Variants in CSF2RA observed in about 807,000 individuals in gnomAD.
The protein encoded by CSF2RA is granulocyte-macrophage colony-stimulating factor receptor subunit alpha.
A neutral mutation model predicts 51.6 loss-of-function variants in CSF2RA; 42 were observed. The ratio of observed to expected loss-of-function variants is 0.81; its 90% CI spans 0.64 to 1.05. The LOEUF (loss-of-function observed/expected upper bound fraction) is 1.05. Among genes scored for constraint, CSF2RA ranks in the 50% least tolerant of loss-of-function variants. The probability of loss-of-function intolerance (pLI) is 0.00; values close to 1 mark genes in which losing one functional copy is unlikely to be tolerated. For missense variants in CSF2RA, 530 were observed against 501.1 expected (o/e 1.06, Z -0.55); for synonymous variants, 222 against 193.0 (o/e 1.15, Z -1.24).
chrX:1,301,477 C>G (rs1378696489), intron 10 of CSF2RA, among the ~76,000 whole-genome samples: 2 of 151,834 alleles, frequency 1.3e-5, no homozygotes, highest in African/African-American at 4.8e-5. Context: ...CCACTGATAG[C>G]CCTCCTAAAG....
chrX:1,296,296 T>C (rs374046198), intron 9 of CSF2RA, among the ~76,000 whole-genome samples: 2,677 of 59,844 alleles, frequency 0.045, 2 homozygotes, highest in Middle Eastern at 0.095. Flanking sequence ...CTGGCGGAAC[T>C]GTACAGTCCC....
chrX:1,293,155 A>G (rs1426886403), intron 7 of CSF2RA, among the ~76,000 whole-genome samples: 5 of 152,164 alleles, frequency 3.3e-5, no homozygotes, highest in African/African-American at 1.2e-4. Context: ...ACAGATCACA[A>G]TGGAGTTTCT....
intron 12 of CSF2RA, chrX:1,305,758 C>T: frequency 1.9e-6 from 3 of 1,551,580 alleles, no homozygotes; most frequent in Non-Finnish European, 2.6e-6. Context: ...GAAACTGAGG[C>T]AGGGTGGTGG....
At position 1,280,467 on chromosome X, in the gene CSF2RA, G is replaced by A. The variant is rs181924666; in HGVS notation, c.-26-2211G>A. Among the ~76,000 whole-genome samples the A allele has an allele frequency of 5.0e-3, 574 of 114,208 alleles. 4 individuals carry two copies. The highest frequency in any genetic ancestry group is 0.015 in the African/African-American group (526 of 35,106). 74.9% of individuals were successfully genotyped at this position (114,208 alleles called of 152,430 possible). A position where few individuals can be genotyped will look rare whatever the true frequency, so the allele number is the denominator to read the frequency against. Reference sequence around the variant, plus strand: ...GCCTGGGTGACAAGAGTGAAACTCCGTCTCAAAAAAAAAAAAAAAAAAAGA... The same window carrying A: ...GCCTGGGTGACAAGAGTGAAACTCCATCTCAAAAAAAAAAAAAAAAAAAGA... On this transcript the variant is annotated intron_variant, in intron 2 of 12. Transcript: ENST00000381529.
chrX:1,324,142 G>A, the CSF2RA span, among the ~76,000 whole-genome samples: 10 of 151,676 alleles, frequency 6.6e-5, no homozygotes, highest in Non-Finnish European at 1.5e-4. Flanking sequence ...CTAAGATCAC[G>A]CCGCTGCACT....
At chrX:1,323,423 G>A in the CSF2RA span, among the ~76,000 whole-genome samples, 440 of 152,120 alleles carry the variant, frequency 2.9e-3, no homozygotes, top group African/African-American at 0.01. Context: ...GGCAGGGATG[G>A]CTGCAGAGAG....
At chrX:1,302,750 A>G in intron 10 of CSF2RA, 1 of 311,150 alleles carries the variant, frequency 3.2e-6, no homozygotes, top group East Asian at 4.9e-5. Flanking sequence ...CTGGAGTTCA[A>G]TGGCACGATC....
intron 9 of CSF2RA, among the ~76,000 whole-genome samples, chrX:1,296,081 G>A (rs1387434099): frequency 3.4e-5 from 5 of 149,100 alleles, no homozygotes; most frequent in Admixed American, 6.7e-5. Context: ...ATGAGCCCTG[G>A]CATAACCCTA....
chrX:1,300,235 A>G, intron 9 of CSF2RA: 1 of 324,990 alleles, frequency 3.1e-6, no homozygotes, highest in Non-Finnish European at 5.0e-6. Flanking sequence ...TAAATAAATA[A>G]AATAAAATAA....
the CSF2RA span, among the ~76,000 whole-genome samples, chrX:1,317,246 C>CTTTTTTTATTTT: frequency 1.7e-5 from 1 of 57,828 alleles, no homozygotes; most frequent in African/African-American, 7.4e-5. Context: ...CCACGCTCAG[C>CTTTTTTTATTTT]TTTTTTTTTT....
the CSF2RA span, among the ~76,000 whole-genome samples, chrX:1,323,809 TC>T: frequency 6.6e-6 from 1 of 150,728 alleles, no homozygotes; most frequent in Non-Finnish European, 1.5e-5. Context: ...GGTCAGGAGA[TC>T]GAAACCATCC....
chrX:1,321,730 A>C, the CSF2RA span, among the ~76,000 whole-genome samples: 8 of 152,206 alleles, frequency 5.3e-5, no homozygotes, highest in Admixed American at 5.2e-4. Context: ...GCACTGTCAC[A>C]AAAAGGCAGA....
chrX:1,300,746 G>C, intron 10 of CSF2RA, 120 bp downstream of exon 10: 1 of 1,304,456 alleles, frequency 7.7e-7, no homozygotes, highest in South Asian at 1.2e-5. Flanking sequence ...GCTGGGAGTA[G>C]TGTCAGGCTC....
Position 1,268,856 on chromosome X carries a change from G to T in CSF2RA, c.-114G>T. ...TCCGAGAGAAGAAAAGCAGGTGGAA[G>T]GAGAGGAAGCGGATGCCGTGGGGGT... On this transcript the variant is annotated 5_prime_UTR_variant, in exon 1 of 13. The change creates a new upstream start codon in the 5' untranslated region. Coordinates refer to ENST00000381529, the MANE Select transcript of CSF2RA (RefSeq NM_172245.4). 2.2e-6 allele frequency: 1 copy of T among 454,168 alleles called. No homozygotes were observed. Among genetic ancestry groups the T allele is most frequent in the African/African-American group, 2.0e-5 (1 of 50,118 alleles). The allele number at this position is 454,168 out of a possible 1,614,324, so 28.1% of individuals were successfully genotyped here.
At chrX:1,297,822 C>A (rs1359053148) in intron 9 of CSF2RA, among the ~76,000 whole-genome samples, 104 of 130,302 alleles carry the variant, frequency 8.0e-4, no homozygotes, top group African/African-American at 2.8e-3. Context: ...CCTGGTGGAA[C>A]CCTACAGTCC....
intron 2 of CSF2RA, among the ~76,000 whole-genome samples, chrX:1,275,748 A>C (rs1450603218): frequency 2.6e-5 from 4 of 151,368 alleles, no homozygotes; most frequent in South Asian, 2.1e-4. Flanking sequence ...TTAGTAGAGA[A>C]GGGGTTTCAC....
chrX:1,294,260 C>A, intron 7 of CSF2RA, 68 bp from the exon 8 acceptor site: 1 of 1,595,264 alleles, frequency 6.3e-7, no homozygotes, highest in Admixed American at 1.7e-5. Flanking sequence ...CTCTGCACCA[C>A]CTCCACCTGG....
intron 7 of CSF2RA, among the ~76,000 whole-genome samples, chrX:1,290,902 AC>A (rs1345880355): frequency 6.6e-6 from 1 of 152,104 alleles, no homozygotes; most frequent in East Asian, 1.9e-4. Flanking sequence ...TGGTGCTGTA[AC>A]AAATTAGAAC....
At chrX:1,288,149 A>G (rs1175433471) in intron 4 of CSF2RA, among the ~76,000 whole-genome samples, 4 of 152,046 alleles carry the variant, frequency 2.6e-5, no homozygotes, top group Non-Finnish European at 5.9e-5. Flanking sequence ...GGATGATTTC[A>G]CAAAGGGAGG....
Sources: gnomAD v4.1 joint callset for allele counts (sites outside exome capture counted in the v4.1 genomes callset) on GRCh38, gnomAD v4.1.1 for gene constraint, MANE v1.5 for transcripts, NCBI Gene and HGNC (gene_info 2026-07-23, HGNC 2026-07-21) for gene names.